The following AMY2B variants were observed in gnomAD, a reference collection of about 807,000 sequenced individuals.
AMY2B encodes the protein alpha-amylase 2B.
Under a neutral mutation model 59.3 loss-of-function variants are expected in AMY2B, and 63 were observed. That is an observed-to-expected ratio of 1.06 (90% CI 0.87 to 1.31). AMY2B has a LOEUF of 1.31. AMY2B is among the 50% of genes most tolerant of loss of function. The probability of loss-of-function intolerance (pLI) is 0.00; values close to 1 mark genes in which losing one functional copy is unlikely to be tolerated. For synonymous variants in AMY2B, 180 were observed against 198.1 expected (o/e 0.91, Z 0.77); for missense variants, 635 against 626.7 (o/e 1.01, Z -0.14).
At chr1:103,567,047 TTATAA>T (rs1272486665), upstream of AMY2B, among the ~76,000 whole-genome samples, 2 of 152,170 alleles carry the variant, frequency 1.3e-5, no homozygotes, top group Admixed American at 1.3e-4. Flanking sequence ...AAATTGTTAA[TTATAA>T]TATACTTACA....
rs1352769579 is a variant in AMY2B, at chr1:103,573,711, A to G, written c.517A>G (p.Arg173Gly). 2 of 1,613,258 alleles carry G rather than the reference A, an allele frequency of 1.2e-6. No homozygotes were observed. Among genetic ancestry groups the G allele is most frequent in the African/African-American group, 2.7e-5 (2 of 74,914 alleles). ...IENYNDATQV[R>G]DCRLVGLLDL... The stretch of plus-strand genomic sequence containing the variant: ...CATAACATTTTTACCTCAACAGGTC[A>G]GAGATTGTCGTCTGGTTGGTCTTCT... The change falls in exon 4 of 10, where the codon AGA (arginine) becomes GGA (glycine). Residue 173 changes from arginine (R) to glycine (G), a missense_variant. Physicochemically the swap from Arg to Gly is moderately radical, Grantham distance 125. Coordinates refer to ENST00000684275, the MANE Select transcript of AMY2B (RefSeq NM_001387437.1).
intron 1 of AMY2B, 105 bp from the exon 2 acceptor site, chr1:103,572,005 G>A: frequency 1.3e-6 from 2 of 1,577,270 alleles, no homozygotes; most frequent in Non-Finnish European, 1.7e-6. Context: ...AGAGATAGCT[G>A]CATATACCAA....
upstream of AMY2B, chr1:103,571,450 T>A (rs1652126691): frequency 6.9e-7 from 1 of 1,454,858 alleles, no homozygotes. Context: ...AATGTTCTTC[T>A]CCTGTTAGGA....
At chr1:103,567,768 C>T (rs963441219), upstream of AMY2B, among the ~76,000 whole-genome samples, 1 of 152,120 alleles carries the variant, frequency 6.6e-6, no homozygotes, top group Non-Finnish European at 1.5e-5. Flanking sequence ...ATCTGGCCTA[C>T]CTCTCTGATC....
chr1:103,573,720 C>T lies in AMY2B; in HGVS notation c.526C>T (p.Arg176Cys), dbSNP rs770135582. The change falls in exon 4 of 10, where the codon CGT becomes TGT. Residue 176 changes from arginine (R) to cysteine (C), a missense_variant. By Grantham distance (180) the Arg-to-Cys change is radical. Coordinates refer to ENST00000684275, the MANE Select transcript of AMY2B (RefSeq NM_001387437.1). Reference sequence around the variant, plus strand: ...TTTACCTCAACAGGTCAGAGATTGTCGTCTGGTTGGTCTTCTTGATCTTGC... The same window carrying T: ...TTTACCTCAACAGGTCAGAGATTGTTGTCTGGTTGGTCTTCTTGATCTTGC... ...YNDATQVRDC[R>C]LVGLLDLALE... 1.1e-5 allele frequency: 18 copies of T among 1,613,524 alleles called. No homozygotes were observed. Among genetic ancestry groups the T allele is most frequent in the Admixed American group, 1.7e-5 (1 of 59,972 alleles).
rs1418741435 is a variant in AMY2B, at chr1:103,575,258, A to G, written c.914A>G (p.Asp305Gly). The change falls in exon 6 of 10, where the codon GAC becomes GGC. Residue 305 changes from aspartate (D) to glycine (G), a missense_variant. Transcript: ENST00000684275. ...GAAGGTTGGGGTTTCATGCCTTCTG[A>G]CAGAGCACTTGTCTTTGTGGATAAC... ...WGEGWGFMPSDRALVFVDNHD... is the reference protein window; with the variant it reads ...WGEGWGFMPSGRALVFVDNHD... 1 of 1,613,654 alleles carries G rather than the reference A, an allele frequency of 6.2e-7. No individual in the cohort carries two copies.
At chr1:103,570,304 A>G, upstream of AMY2B, 1 of 607,322 alleles carries the variant, frequency 1.6e-6, no homozygotes, top group South Asian at 1.4e-5. Context: ...CACCATCGGC[A>G]ATGAGGTTGC....
intron 7 of AMY2B, 152 bp downstream of exon 7, chr1:103,575,692 T>A: frequency 1.8e-6 from 2 of 1,130,270 alleles, no homozygotes; most frequent in South Asian, 1.6e-5. Context: ...CAGGTTATAT[T>A]AAAGGAGTAA....
chr1:103,569,437 C>T, upstream of AMY2B: 1 of 211,206 alleles, frequency 4.7e-6, no homozygotes, highest in Admixed American at 6.0e-5. Flanking sequence ...TGTGTGTACA[C>T]TGCCAGAGGT....
chr1:103,574,216 A>G lies in AMY2B; in HGVS notation c.745-44A>G, dbSNP rs777497941. On this transcript the variant is annotated intron_variant, in intron 4 of 9. Transcript: ENST00000684275. ...ATTAACTTATTGGTTAAAATGCTTT[A>G]AAGTCCTTATGCAAAATGTTACTTT... 2.5e-6 allele frequency: 4 copies of G among 1,611,494 alleles called. No homozygotes were observed. The South Asian group carries it at 3.3e-5, about 13-fold the overall frequency.
At chr1:103,559,255 ATATATTTAGGTACACAAGTACACTGTGT>A (rs1361703898) in intron 1 of AMY2B, among the ~76,000 whole-genome samples, 2 of 152,202 alleles carry the variant, frequency 1.3e-5, no homozygotes, top group African/African-American at 4.8e-5. Flanking sequence ...CTATGTTTAA[ATATATTTAGGTACACAAGTACACTGTGT>A]TACAGTTGCC....
At chr1:103,574,771 T>G (rs183969492) in intron 5 of AMY2B, among the ~76,000 whole-genome samples, 1 of 151,478 alleles carries the variant, frequency 6.6e-6, no homozygotes. Flanking sequence ...ATTAAAAATA[T>G]AAAAATATTT....
intron 1 of AMY2B, among the ~76,000 whole-genome samples, chr1:103,562,599 C>A (rs971712342): frequency 4.6e-5 from 7 of 150,578 alleles, no homozygotes; most frequent in African/African-American, 1.7e-4. Context: ...TTTAATCACA[C>A]TTAAATTACT....
At position 103,579,391 on chromosome 1, in the gene AMY2B, A is replaced by G. The variant is rs776361834; in HGVS notation, c.1427A>G (p.Asn476Ser). 9 of 1,611,694 alleles carry G rather than the reference A, an allele frequency of 5.6e-6. No homozygotes were observed. Among genetic ancestry groups the G allele is most frequent in the Admixed American group, 3.3e-5 (2 of 59,982 alleles). ...DVISGDKING[N>S]CTGIKIYVSD... Reference sequence around the variant, plus strand: ...ATTTCTGGAGATAAAATTAATGGCAATTGCACAGGCATTAAAATCTACGTT... The same window carrying G: ...ATTTCTGGAGATAAAATTAATGGCAGTTGCACAGGCATTAAAATCTACGTT... The change falls in exon 10 of 10, where the codon AAT becomes AGT. Residue 476 changes from asparagine (N) to serine (S), a missense_variant. Asn to Ser is a conservative substitution (Grantham distance 46). Transcript: ENST00000684275.
upstream of AMY2B, chr1:103,570,397 T>G (rs1652078144): frequency 3.4e-6 from 3 of 871,558 alleles, no homozygotes; most frequent in Non-Finnish European, 5.7e-6. Flanking sequence ...AACTCCATCA[T>G]GAAGTGTGAC....
rs145643172 is a variant in AMY2B at position 103,571,781 on chromosome 1, T to A, written c.168+11T>A. The stretch of plus-strand genomic sequence containing the variant: ...TTTGGAGGGGTTCAGGTGGGTATGA[T>A]TCATAGTATCAATTGCAGAATTCAC... On this transcript the variant is annotated intron_variant, in intron 1 of 9. Transcript: ENST00000684275. 2.3e-3 allele frequency: 3,693 copies of A among 1,611,882 alleles called. 91 individuals carry two copies. In the African/African-American group the frequency reaches 0.043, roughly 19 times the overall value.
intron 7 of AMY2B, 84 bp from the exon 8 acceptor site, chr1:103,577,406 C>T: frequency 6.2e-7 from 1 of 1,604,380 alleles, no homozygotes; most frequent in South Asian, 1.1e-5. Context: ...ACACAAGTAA[C>T]AGGATAGGTT....
chr1:103,565,949 A>T (rs558343128), intron 2 of AMY2B, among the ~76,000 whole-genome samples: 1 of 152,268 alleles, frequency 6.6e-6, no homozygotes, highest in African/African-American at 2.4e-5. Flanking sequence ...CCTGTTTAAA[A>T]CAACCAAAAA....
At chr1:103,557,150 G>GCGCA (rs775182050) in intron 1 of AMY2B, among the ~76,000 whole-genome samples, 11 of 148,204 alleles carry the variant, frequency 7.4e-5, no homozygotes, top group South Asian at 4.3e-4. Context: ...GTGCGCGCGC[G>GCGCA]CACACACACA....
Sources: gnomAD v4.1 joint callset for allele counts (sites outside exome capture counted in the v4.1 genomes callset) on GRCh38, gnomAD v4.1.1 for gene constraint, MANE v1.5 for transcripts, NCBI Gene and HGNC (gene_info 2026-07-23, HGNC 2026-07-21) for gene names.